The following RALYL variants were observed in gnomAD, a reference collection of about 807,000 sequenced individuals.
RALYL encodes RALY RNA binding protein like.
Under a neutral mutation model 35.1 loss-of-function variants are expected in RALYL, and 29 were observed. The ratio of observed to expected loss-of-function variants is 0.83; its 90% CI spans 0.61 to 1.13. The LOEUF is 1.13. Among genes scored for constraint, RALYL ranks in the 50% most tolerant of loss-of-function variants. The pLI is 0.00. For missense variants in RALYL, 359 were observed against 360.4 expected (o/e 1.00, Z 0.03); for synonymous variants, 120 against 127.6 (o/e 0.94, Z 0.40).
At chr8:84,909,877 C>A (rs959156229) in intron 8 of RALYL, among the ~76,000 whole-genome samples, 2 of 152,174 alleles carry the variant, frequency 1.3e-5, no homozygotes, top group South Asian at 2.1e-4. Flanking sequence ...AAAGCAGTGA[C>A]AAAACTATTT....
At chr8:84,195,495 A>C (rs1030836244) in intron 1 of RALYL, among the ~76,000 whole-genome samples, 2 of 152,170 alleles carry the variant, frequency 1.3e-5, no homozygotes, top group Non-Finnish European at 2.9e-5. Context: ...TACCCTCCTG[A>C]ATAGACAGTT....
intron 1 of RALYL, among the ~76,000 whole-genome samples, chr8:84,417,087 A>G (rs141598688): frequency 1.3e-5 from 2 of 151,810 alleles, no homozygotes; most frequent in African/African-American, 4.8e-5. Context: ...ATGGGTATGT[A>G]GTAGTTAAAT....
rs538064482 is a variant in RALYL, at chr8:84,653,482, G to T, written c.257-121097G>T. ...TCCTTGCTTTCCTGAAGCATATTAA[G>T]CTCCCTTCTCTCATAGGGCCTTTGC... On this transcript the variant is annotated intron_variant, in intron 2 of 8. Transcript: ENST00000521268. Among the ~76,000 whole-genome samples, 5 of 152,066 alleles carry T rather than the reference G, an allele frequency of 3.3e-5. No individual in the cohort carries two copies. The South Asian group carries it at 1.0e-3, about 32-fold the overall frequency.
intron 1 of RALYL, among the ~76,000 whole-genome samples, chr8:84,470,417 G>T (rs2052565872): frequency 6.6e-6 from 1 of 151,020 alleles, no homozygotes; most frequent in African/African-American, 2.4e-5. Flanking sequence ...ACAGGAGGTG[G>T]TTTTCTTGAA....
intron 8 of RALYL, among the ~76,000 whole-genome samples, chr8:84,893,905 A>C (rs1032796896): frequency 4.6e-5 from 7 of 152,232 alleles, no homozygotes; most frequent in Non-Finnish European, 7.3e-5. Context: ...AGATTTACCT[A>C]GCTGAACTGT....
intron 8 of RALYL, among the ~76,000 whole-genome samples, chr8:84,911,577 C>T (rs1847515922): frequency 6.6e-6 from 1 of 152,022 alleles, no homozygotes; most frequent in Non-Finnish European, 1.5e-5. Flanking sequence ...CAGTGGATAC[C>T]AACTGGGTGT....
chr8:84,909,737 T>A (rs1030959842), intron 8 of RALYL, among the ~76,000 whole-genome samples: 1 of 152,102 alleles, frequency 6.6e-6, no homozygotes, highest in African/African-American at 2.4e-5. Context: ...TCCCTCATGG[T>A]GCTGGTGTGA....
chr8:84,878,491 G>C (rs1221048614), intron 7 of RALYL, among the ~76,000 whole-genome samples: 1 of 151,394 alleles, frequency 6.6e-6, no homozygotes, highest in Admixed American at 6.6e-5. Flanking sequence ...ATGCCCTACT[G>C]TTAATGTGAA....
chr8:84,843,413 A>C (rs1833880330), intron 4 of RALYL, among the ~76,000 whole-genome samples: 1 of 152,212 alleles, frequency 6.6e-6, no homozygotes, highest in Admixed American at 6.5e-5. Context: ...CTTACAAGGG[A>C]TATGAAGGAC....
intron 1 of RALYL, among the ~76,000 whole-genome samples, chr8:84,528,920 A>G (rs1469244295): frequency 1.3e-5 from 2 of 152,166 alleles, no homozygotes; most frequent in African/African-American, 4.8e-5. Flanking sequence ...TCTTTATTAC[A>G]TCTATCATCA....
chr8:84,383,537 G>C (rs1204559119), intron 1 of RALYL, among the ~76,000 whole-genome samples: 2 of 151,568 alleles, frequency 1.3e-5, no homozygotes, highest in Non-Finnish European at 3.0e-5. Context: ...AGATATAAAG[G>C]ATTCTGAAAG....
At chr8:84,505,754 T>G (rs2057116051) in intron 1 of RALYL, among the ~76,000 whole-genome samples, 2 of 152,210 alleles carry the variant, frequency 1.3e-5, no homozygotes, top group South Asian at 2.1e-4. Flanking sequence ...TATTTTTAAA[T>G]GGTAAAGTTA....
At chr8:84,193,325 A>G (rs1280698076) in intron 1 of RALYL, among the ~76,000 whole-genome samples, 1 of 152,204 alleles carries the variant, frequency 6.6e-6, no homozygotes, top group Non-Finnish European at 1.5e-5. Flanking sequence ...TATAATAGAA[A>G]GGAAAATAAT....
At chr8:84,574,528 A>G (rs1223419172) in intron 2 of RALYL, among the ~76,000 whole-genome samples, 2 of 152,078 alleles carry the variant, frequency 1.3e-5, no homozygotes, top group African/African-American at 4.8e-5. Context: ...CGACCCAGAA[A>G]GCCTATTATC....
intron 1 of RALYL, among the ~76,000 whole-genome samples, chr8:84,425,831 C>T (rs938638438): frequency 7.3e-6 from 1 of 136,502 alleles, no homozygotes; most frequent in Admixed American, 7.2e-5. Flanking sequence ...GTGTAAGTTG[C>T]TTGAAAGGTA....
chr8:84,756,345 G>C (rs1278940953), intron 2 of RALYL, among the ~76,000 whole-genome samples: 1 of 152,132 alleles, frequency 6.6e-6, no homozygotes, highest in Non-Finnish European at 1.5e-5. Flanking sequence ...GAAAGAGATT[G>C]TAGGATCAGT....
chr8:84,815,742 G>A (rs577524935), intron 4 of RALYL, among the ~76,000 whole-genome samples: 1 of 152,108 alleles, frequency 6.6e-6, no homozygotes, highest in Admixed American at 6.6e-5. Flanking sequence ...TTTGCATTTA[G>A]AAAGGTGAAT....
chr8:84,493,151 A>T lies in RALYL; in HGVS notation c.-23-36148A>T, dbSNP rs189615522. ...TCTCATTGTTTAACTCCCATTTATG[A>T]GTGAGAAAATGTGGTGTTTGGTTTT... is the stretch of plus-strand genomic sequence containing the variant. On this transcript the variant is annotated intron_variant, in intron 1 of 8. Transcript: ENST00000521268. 6.2e-3 allele frequency among the ~76,000 whole-genome samples: 947 copies of T among 152,128 alleles called. 6 individuals carry two copies. The highest frequency in any genetic ancestry group is 8.9e-3 in the Non-Finnish European group (604 of 67,994).
chr8:84,774,683 T>C, intron 3 of RALYL, 29 bp downstream of exon 3: 7 of 1,469,392 alleles, frequency 4.8e-6, no homozygotes, highest in Non-Finnish European at 6.6e-6. Context: ...TTTTACTCTA[T>C]ATATTAGTGA....
Sources: gnomAD v4.1 joint callset for allele counts (sites outside exome capture counted in the v4.1 genomes callset) on GRCh38, gnomAD v4.1.1 for gene constraint, MANE v1.5 for transcripts, NCBI Gene and HGNC (gene_info 2026-07-23, HGNC 2026-07-21) for gene names.